Variants in HYDIN observed in about 807,000 individuals in gnomAD.
HYDIN encodes the protein axonemal central pair apparatus protein HYDIN.
Under a neutral mutation model 403.9 loss-of-function variants are expected in HYDIN, and 132 were observed. That is an observed-to-expected ratio of 0.33 (90% CI 0.28 to 0.38). The LOEUF is 0.38. Among genes scored for constraint, HYDIN ranks in the 10% least tolerant of loss-of-function variants. The probability of loss-of-function intolerance (pLI) is 1.00; values close to 1 mark genes in which losing one functional copy is unlikely to be tolerated. For synonymous variants in HYDIN, 1,202 were observed against 1,891.7 expected (o/e 0.64, Z 9.46); for missense variants, 2,827 against 5,009.5 (o/e 0.56, Z 13.15).
chr16:71,065,246 C>T (rs1305453506), intron 15 of HYDIN, among the ~76,000 whole-genome samples: 2 of 152,200 alleles, frequency 1.3e-5, no homozygotes, highest in Non-Finnish European at 2.9e-5. Flanking sequence ...GAAAGCCCCC[C>T]AAGGACTAGC....
chr16:70,964,313 C>T (rs2078506950), intron 37 of HYDIN, among the ~76,000 whole-genome samples: 1 of 148,666 alleles, frequency 6.7e-6, no homozygotes, highest in African/African-American at 2.4e-5. Flanking sequence ...TAGGTCTACC[C>T]ATAGGAAGCA....
At chr16:71,224,853 G>A (rs906491800) in intron 1 of HYDIN, among the ~76,000 whole-genome samples, 12 of 152,098 alleles carry the variant, frequency 7.9e-5, no homozygotes, top group African/African-American at 1.7e-4. Context: ...GAGCCACCGC[G>A]CCCGGCCTAA....
intron 19 of HYDIN, among the ~76,000 whole-genome samples, chr16:71,030,794 G>A (rs1457358149): frequency 6.6e-6 from 1 of 152,118 alleles, no homozygotes; most frequent in Admixed American, 6.5e-5. Flanking sequence ...CTGTACCACA[G>A]CTTATTTAAA....
chr16:71,153,470 G>A (rs1272610936), intron 6 of HYDIN, among the ~76,000 whole-genome samples: 2 of 151,814 alleles, frequency 1.3e-5, no homozygotes, highest in South Asian at 4.2e-4. Flanking sequence ...AAACCGCAAG[G>A]AGAGGCCTAA....
intron 18 of HYDIN, among the ~76,000 whole-genome samples, chr16:71,051,270 A>G (rs941552987): frequency 1.6e-4 from 24 of 152,322 alleles, no homozygotes; most frequent in Admixed American, 4.6e-4. Flanking sequence ...GCACGTGTTA[A>G]TGATAACAAA....
intron 28 of HYDIN, among the ~76,000 whole-genome samples, chr16:70,983,801 G>T (rs960983338): frequency 2.0e-5 from 3 of 151,354 alleles, no homozygotes; most frequent in Admixed American, 6.6e-5. Flanking sequence ...ATTAAAAAAA[G>T]AAAAATATAT....
At chr16:71,179,912 T>A (rs2086831314) in intron 3 of HYDIN, among the ~76,000 whole-genome samples, 1 of 152,242 alleles carries the variant, frequency 6.6e-6, no homozygotes, top group South Asian at 2.1e-4. Flanking sequence ...AGTTCACGGT[T>A]GCGCCCTGGG....
chr16:71,225,137 C>A (rs988080945), intron 1 of HYDIN, among the ~76,000 whole-genome samples: 4 of 152,200 alleles, frequency 2.6e-5, no homozygotes, highest in African/African-American at 9.7e-5. Context: ...AGAAGTGGAA[C>A]AGCATGAGAG....
At chr16:70,888,159 T>C (rs1194281052) in intron 58 of HYDIN, among the ~76,000 whole-genome samples, 3 of 152,410 alleles carry the variant, frequency 2.0e-5, no homozygotes, top group Non-Finnish European at 2.9e-5. Flanking sequence ...TAATTGCTCA[T>C]TGAAACATTT....
chr16:71,090,678 T>G (rs1306913859), intron 11 of HYDIN, among the ~76,000 whole-genome samples: 7 of 150,780 alleles, frequency 4.6e-5, no homozygotes, highest in Non-Finnish European at 8.9e-5. Flanking sequence ...TTTTGTGGGT[T>G]TTTTTTTGTA....
At chr16:71,126,069 C>A (rs1376308145) in intron 9 of HYDIN, among the ~76,000 whole-genome samples, 5 of 151,978 alleles carry the variant, frequency 3.3e-5, no homozygotes, top group Non-Finnish European at 7.4e-5. Flanking sequence ...TTCTCTTGAA[C>A]CAGTATTTCT....
chr16:70,925,504 A>T (rs531660311), intron 45 of HYDIN, among the ~76,000 whole-genome samples: 2 of 152,302 alleles, frequency 1.3e-5, no homozygotes, highest in Non-Finnish European at 2.9e-5. Context: ...AACCATAAAA[A>T]CCCTAGGAGA....
chr16:71,174,186 C>T (rs1452003032), intron 5 of HYDIN, among the ~76,000 whole-genome samples: 2 of 152,132 alleles, frequency 1.3e-5, no homozygotes, highest in African/African-American at 2.4e-5. Context: ...AATGGTAATA[C>T]TACAAAGTGG....
intron 18 of HYDIN, among the ~76,000 whole-genome samples, chr16:71,054,631 T>A (rs1258495615): frequency 6.6e-6 from 1 of 152,050 alleles, no homozygotes; most frequent in East Asian, 1.9e-4. Context: ...AAATGAGCTC[T>A]CCGGTAATAG....
In HYDIN at chr16:70,840,053, A is replaced by AGCCT. The variant is rs527978967; in HGVS notation, c.13043+7_13043+10dup. The AGCCT allele has an allele frequency of 3.9e-3, 2,471 of 635,454 alleles. 13 individuals carry two copies. The highest frequency in any genetic ancestry group is 5.0e-3 in the Non-Finnish European group (1,859 of 368,586). 39.4% of individuals were successfully genotyped at this position (635,454 alleles called of 1,614,324 possible). On this transcript the variant is annotated intron_variant, in intron 76 of 85. Coordinates refer to ENST00000393567, the MANE Select transcript of HYDIN (RefSeq NM_001270974.2). ...TAGAGAATCATTTGGAGGCTCTGGA[A>AGCCT]GCCTGCTTACCTCATAGGTGTTTCT...
chr16:71,052,985 A>G (rs1286881565), intron 18 of HYDIN, among the ~76,000 whole-genome samples: 2 of 150,928 alleles, frequency 1.3e-5, no homozygotes, highest in South Asian at 2.1e-4. Context: ...TAAAAAATCC[A>G]AAACTTCATT....
At chr16:70,811,571 A>T (rs1258623350) in intron 84 of HYDIN, 1 of 150,440 alleles carries the variant, frequency 6.6e-6, no homozygotes, top group African/African-American at 2.5e-5. Context: ...GATAAAATAG[A>T]CATGTGTATA....
At chr16:70,846,092 T>A (rs2038183896) in intron 75 of HYDIN, among the ~76,000 whole-genome samples, 1 of 150,242 alleles carries the variant, frequency 6.7e-6, no homozygotes, top group East Asian at 1.9e-4. Flanking sequence ...AGCTTTTGAC[T>A]GTGTTTGCTC....
chr16:71,204,547 C>G (rs2088192857), intron 1 of HYDIN, among the ~76,000 whole-genome samples: 1 of 152,210 alleles, frequency 6.6e-6, no homozygotes, highest in South Asian at 2.1e-4. Context: ...TGCTGCATGT[C>G]TACCTTTTAT....
Sources: allele counts gnomAD v4.1 joint callset (sites outside exome capture counted in the v4.1 genomes callset), GRCh38; gene constraint gnomAD v4.1.1; transcripts MANE v1.5; gene names NCBI Gene and HGNC (gene_info 2026-07-23, HGNC 2026-07-21).